ZNF317: variants seen among roughly 807,000 people sequenced by gnomAD.
ZNF317 encodes the protein KRAB-containing zinc finger protein 317.
In ZNF317, 17 loss-of-function variants were observed where a neutral mutation model predicts 23.4. The ratio of observed to expected loss-of-function variants is 0.73; its 90% CI spans 0.50 to 1.09. The LOEUF (loss-of-function observed/expected upper bound fraction) is 1.09. Among genes scored for constraint, ZNF317 ranks in the 50% least tolerant of loss-of-function variants. ZNF317 has a pLI of 0.00. For synonymous variants in ZNF317, 317 were observed against 314.9 expected (o/e 1.01, Z -0.07); for missense variants, 679 against 796.7 (o/e 0.85, Z 1.78).
Position 9,161,221 on chromosome 19 carries a change from G to C in ZNF317, c.1576G>C (p.Gly526Arg). 1.2e-6 allele frequency: 2 copies of C among 1,614,228 alleles called. No homozygotes were observed. Among genetic ancestry groups the C allele is most frequent in the Non-Finnish European group, 1.7e-6 (2 of 1,180,038 alleles). The change falls in exon 7 of 7, where the codon GGG (glycine) becomes CGG (arginine). Residue 526 changes from glycine to arginine, a missense_variant. By Grantham distance (125) the Gly-to-Arg change is moderately radical. Coordinates refer to ENST00000247956, the MANE Select transcript of ZNF317 (RefSeq NM_020933.5). The surrounding 1 kb of genome is among the most constrained non-coding windows in gnomAD (Gnocchi z 4.0). ...TLKTHMRSHT[G>R]EKPYECDHCG... ...GAAGACGCACATGCGAAGCCACACG[G>C]GGGAGAAACCGTACGAATGCGATCA...
intron 1 of ZNF317, among the ~76,000 whole-genome samples, chr19:9,140,857 C>T (rs1168911888): frequency 6.6e-6 from 1 of 152,000 alleles, no homozygotes; most frequent in African/African-American, 2.4e-5. Flanking sequence ...CGGAAAAGCC[C>T]GGCTGAAGTG....
In ZNF317 at chr19:9,160,852, G is replaced by A. The variant is rs371181730; in HGVS notation, c.1207G>A (p.Val403Met). The change falls in exon 7 of 7, where the codon GTG becomes ATG. Residue 403 changes from valine to methionine, a missense_variant. Physicochemically the swap from Val to Met is conservative, Grantham distance 21. Coordinates refer to ENST00000247956, the MANE Select transcript of ZNF317 (RefSeq NM_020933.5). The surrounding 1 kb of genome is among the most constrained non-coding windows in gnomAD (Gnocchi z 6.8). ...KECGKSFGDLVSRRKHMRIHI... is the reference protein window; with the variant it reads ...KECGKSFGDLMSRRKHMRIHI... ...ATGCGGGAAATCCTTTGGCGATCTCGTGTCCCGGAGGAAACACATGAGGAT... is the reference window on the plus strand; with the variant it reads ...ATGCGGGAAATCCTTTGGCGATCTCATGTCCCGGAGGAAACACATGAGGAT... 3.3e-5 allele frequency: 53 copies of A among 1,613,996 alleles called. No homozygotes were observed. The highest frequency in any genetic ancestry group is 4.4e-5 in the Non-Finnish European group (52 of 1,180,030).
rs998390478 is a variant in ZNF317, at chr19:9,163,402, G to T, written c.*1969G>T. ...ATGAGAAAAAATAAAACTGATTATT[G>T]GTTTAAGCTGCTATGGATATTTCAT... is the stretch of plus-strand genomic sequence containing the variant. On this transcript the variant is annotated 3_prime_UTR_variant, in exon 7 of 7. Coordinates refer to ENST00000247956, the MANE Select transcript of ZNF317 (RefSeq NM_020933.5). The T allele has an allele frequency of 1.3e-5, 2 of 152,046 alleles. No homozygotes were observed. Among genetic ancestry groups the T allele is most frequent in the African/African-American group, 4.8e-5 (2 of 41,390 alleles). The allele number at this position is 152,046 out of a possible 1,614,324, so 9.4% of individuals were successfully genotyped here.
intron 1 of ZNF317, among the ~76,000 whole-genome samples, chr19:9,145,959 C>A (rs1319557169): frequency 6.6e-6 from 1 of 151,948 alleles, no homozygotes; most frequent in East Asian, 1.9e-4. Context: ...GACGCTTATG[C>A]AGCAGACTAT....
rs1011180730 is a variant in ZNF317 at position 9,162,740 on chromosome 19, T to C, written c.*1307T>C. 2 of 152,220 alleles carry C rather than the reference T, an allele frequency of 1.3e-5. No individual in the cohort carries two copies. Among genetic ancestry groups the C allele is most frequent in the Non-Finnish European group, 2.9e-5 (2 of 68,046 alleles). 9.4% of individuals were successfully genotyped at this position (152,220 alleles called of 1,614,324 possible). A position where few individuals can be genotyped will look rare whatever the true frequency, so the allele number is the denominator to read the frequency against. On this transcript the variant is annotated 3_prime_UTR_variant, in exon 7 of 7. Transcript: ENST00000247956. ...AGGTTTGTTTATAGTATTTTTACTA[T>C]AGCTTCATCCTTGATAACGTCCTAA...
At chr19:9,155,614 G>A (rs187612221) in intron 1 of ZNF317, among the ~76,000 whole-genome samples, 5 of 152,292 alleles carry the variant, frequency 3.3e-5, no homozygotes, top group Admixed American at 1.3e-4. Context: ...CGCAGGCCTC[G>A]AAGGTGAAGG....
At chr19:9,140,623 C>T in intron 1 of ZNF317, 31 bp downstream of exon 1, 2 of 455,480 alleles carry the variant, frequency 4.4e-6, no homozygotes, top group Non-Finnish European at 8.8e-6. Context: ...CCCTTCTCCC[C>T]CTCAGTTCCA....
chr19:9,150,348 T>C (rs527935091), intron 1 of ZNF317, among the ~76,000 whole-genome samples: 2 of 152,354 alleles, frequency 1.3e-5, no homozygotes, highest in African/African-American at 4.8e-5. Context: ...GTTCCATACA[T>C]AACCCAGTGT....
chr19:9,159,232 G>C (rs1052477516), intron 6 of ZNF317, among the ~76,000 whole-genome samples: 5 of 151,954 alleles, frequency 3.3e-5, no homozygotes, highest in African/African-American at 1.2e-4. Context: ...TTTTTTGGGG[G>C]GCAGACAGTC....
chr19:9,160,121 C>T lies in ZNF317; in HGVS notation c.476C>T (p.Ala159Val). 2 of 1,613,782 alleles carry T rather than the reference C, an allele frequency of 1.2e-6. No individual in the cohort carries two copies. Among genetic ancestry groups the T allele is most frequent in the Non-Finnish European group, 1.7e-6 (2 of 1,179,694 alleles). ...ETPSGVTMERAGLGEKSTEYA... is the reference protein window; with the variant it reads ...ETPSGVTMERVGLGEKSTEYA... The stretch of plus-strand genomic sequence containing the variant: ...TTACGTCTTAACCAACAGGAAAGAG[C>T]CGGTCTTGGAGAGAAGTCCACTGAA... Residue 159 changes from alanine to valine, a missense_variant, in exon 7 of 7, where the codon GCC becomes GTC. Ala to Val is a moderately conservative substitution (Grantham distance 64). Transcript: ENST00000247956. This position sits in a 1 kb window ranked among gnomAD's most constrained non-coding sequence, Gnocchi z 6.8.
chr19:9,152,091 A>G (rs908408149), intron 1 of ZNF317, among the ~76,000 whole-genome samples: 1 of 151,906 alleles, frequency 6.6e-6, no homozygotes, highest in Non-Finnish European at 1.5e-5. Context: ...TATTTTTAGT[A>G]GAGATGGGGT....
Position 9,144,754 on chromosome 19 carries a change from C to T in ZNF317, c.-93+4162C>T, listed in dbSNP as rs148906006. On this transcript the variant is annotated intron_variant, in intron 1 of 6. Transcript: ENST00000247956. ...TTTCATTATACTCACATGTTTATCA[C>T]TTTGAGCACTTTACTTGGTTCTTAC... 9.6e-4 allele frequency among the ~76,000 whole-genome samples: 146 copies of T among 152,256 alleles called. 1 individual carries two copies. Among genetic ancestry groups the T allele is most frequent in the African/African-American group, 3.4e-3 (142 of 41,530 alleles).
rs186606187 is a variant in ZNF317, at chr19:9,155,983, C to T, written c.-34C>T. On this transcript the variant is annotated 5_prime_UTR_variant, in exon 2 of 7. Transcript: ENST00000247956. ...AGTAGCTTTCTGGTTGTCCTGGTGC[C>T]CTGCTCAGGCAAACTGACTGCCATT... 4.3e-6 allele frequency: 7 copies of T among 1,614,088 alleles called. No individual in the cohort carries two copies. Among genetic ancestry groups the T allele is most frequent in the East Asian group, 2.2e-5 (1 of 44,866 alleles).
At chr19:9,143,772 C>G (rs1045286015) in intron 1 of ZNF317, among the ~76,000 whole-genome samples, 1 of 149,572 alleles carries the variant, frequency 6.7e-6, no homozygotes, top group Non-Finnish European at 1.5e-5. Context: ...TTTGTGTTTT[C>G]CTTTTTTTTG....
rs967044879 is a variant in ZNF317 at position 9,162,794 on chromosome 19, T to C, written c.*1361T>C. 1 of 152,238 alleles carries C rather than the reference T, an allele frequency of 6.6e-6. No homozygotes were observed. Among genetic ancestry groups the C allele is most frequent in the South Asian group, 2.1e-4 (1 of 4,828 alleles). 9.4% of individuals were successfully genotyped at this position (152,238 alleles called of 1,614,324 possible). A position where few individuals can be genotyped will look rare whatever the true frequency, so the allele number is the denominator to read the frequency against. On this transcript the variant is annotated 3_prime_UTR_variant, in exon 7 of 7. Transcript: ENST00000247956. The stretch of plus-strand genomic sequence containing the variant: ...CCTTCTGGACAACCTCCTTGACCAA[T>C]GGCATATTGAGATCTATGTGACATG...
In ZNF317 at chr19:9,161,485, G is replaced by T; in HGVS notation, c.*52G>T. ...GATTCAGACCGGAAACAGACCTCGT[G>T]GGTGTAAGAGGAAGCCTCTGTGAGC... On this transcript the variant is annotated 3_prime_UTR_variant, in exon 7 of 7. Transcript: ENST00000247956. The surrounding 1 kb of genome is among the most constrained non-coding windows in gnomAD (Gnocchi z 4.0). The T allele has an allele frequency of 6.5e-7, 1 of 1,549,992 alleles. No homozygotes were observed. The highest frequency in any genetic ancestry group is 1.2e-5 in the South Asian group (1 of 80,748).
In ZNF317 at chr19:9,156,889, G is replaced by A. The variant is rs562373530; in HGVS notation, c.162+141G>A. 57 of 1,049,206 alleles carry A rather than the reference G, an allele frequency of 5.4e-5. No individual in the cohort carries two copies. The South Asian group carries it at 8.4e-4, about 15-fold the overall frequency. The allele number at this position is 1,049,206 out of a possible 1,614,324, so 65.0% of individuals were successfully genotyped here. On this transcript the variant is annotated intron_variant, in intron 3 of 6. Coordinates refer to ENST00000247956, the MANE Select transcript of ZNF317 (RefSeq NM_020933.5). The stretch of plus-strand genomic sequence containing the variant: ...CCCAAGAGAGAGCCAAGGAATATTG[G>A]GGCTGTCCTGGTGTTGGGGAAGTTA...
Position 9,155,927 on chromosome 19 carries a change from G to A in ZNF317, c.-90G>A. ...CGATGTTCTTTCATTTGCTACAGATGCCAGCTTGGAGAGTCACGTGAGAGC... is the reference window on the plus strand; with the variant it reads ...CGATGTTCTTTCATTTGCTACAGATACCAGCTTGGAGAGTCACGTGAGAGC... On this transcript the variant is annotated splice_region_variant and 5_prime_UTR_variant, in exon 2 of 7. An upstream start codon of the reference 5' UTR is lost. Coordinates refer to ENST00000247956, the MANE Select transcript of ZNF317 (RefSeq NM_020933.5). 3 of 1,512,114 alleles carry A rather than the reference G, an allele frequency of 2.0e-6. No individual in the cohort carries two copies. Among genetic ancestry groups the A allele is most frequent in the Non-Finnish European group, 2.8e-6 (3 of 1,087,748 alleles). The allele number at this position is 1,512,114 out of a possible 1,614,324, so 93.7% of individuals were successfully genotyped here. A position where few individuals can be genotyped will look rare whatever the true frequency, so the allele number is the denominator to read the frequency against.
chr19:9,149,963 A>C lies in ZNF317; in HGVS notation c.-92-5962A>C, dbSNP rs145508361. Among the ~76,000 whole-genome samples, 939 of 152,322 alleles carry C rather than the reference A, an allele frequency of 6.2e-3. 12 individuals carry two copies. The highest frequency in any genetic ancestry group is 0.022 in the African/African-American group (913 of 41,570). On this transcript the variant is annotated intron_variant, in intron 1 of 6. Transcript: ENST00000247956. ...GATTTTTGTATTAAGTTTTAAAGTTAAGGCTGGCAGGATTTGCTGGTGATG... is the reference window on the plus strand; with the variant it reads ...GATTTTTGTATTAAGTTTTAAAGTTCAGGCTGGCAGGATTTGCTGGTGATG...
Sources: allele counts gnomAD v4.1 joint callset (sites outside exome capture counted in the v4.1 genomes callset), GRCh38; gene constraint gnomAD v4.1.1; non-coding constraint Gnocchi (gnomAD v3.1); transcripts MANE v1.5; gene names NCBI Gene and HGNC (gene_info 2026-07-23, HGNC 2026-07-21).